BAIAP2L1: variants seen among roughly 807,000 people sequenced by gnomAD.
BAIAP2L1 encodes the protein BAR/IMD domain containing adaptor protein 2 like 1.
In BAIAP2L1, 35 loss-of-function variants were observed where a neutral mutation model predicts 66.3. That is an observed-to-expected ratio of 0.53 (90% CI 0.40 to 0.70). The LOEUF is 0.70. BAIAP2L1 is among the 30% of genes least tolerant of loss of function. The pLI is 0.00. For missense variants in BAIAP2L1, 622 were observed against 656.9 expected, an observed-to-expected ratio of 0.95 and a Z score of 0.58; for synonymous variants, 269 against 248.7, an observed-to-expected ratio of 1.08 and a Z score of -0.77.
At chr7:98,350,723 C>T (rs571160761) in intron 3 of BAIAP2L1, among the ~76,000 whole-genome samples, 1 of 152,274 alleles carries the variant, frequency 6.6e-6, no homozygotes, top group East Asian at 1.9e-4. Context: ...CCTAAGGCCC[C>T]CTACCCCACA....
intron 1 of BAIAP2L1, among the ~76,000 whole-genome samples, chr7:98,398,034 TC>T (rs1054732021): frequency 1.3e-5 from 2 of 152,174 alleles, no homozygotes; most frequent in African/African-American, 4.8e-5. Context: ...TTCCTCCTTT[TC>T]TCTAAAGTAT....
chr7:98,322,012 C>T (rs886164011), intron 3 of BAIAP2L1, among the ~76,000 whole-genome samples: 7 of 152,154 alleles, frequency 4.6e-5, no homozygotes, highest in Non-Finnish European at 5.9e-5. Flanking sequence ...GGGAGAACTG[C>T]TTGAACCTGG....
intron 12 of BAIAP2L1, among the ~76,000 whole-genome samples, chr7:98,299,497 T>A (rs1487596421): frequency 6.6e-6 from 1 of 151,404 alleles, no homozygotes; most frequent in African/African-American, 2.4e-5. Flanking sequence ...TACCTGCTTC[T>A]TGACCACCAC....
At chr7:98,383,876 G>A (rs772005269) in intron 1 of BAIAP2L1, among the ~76,000 whole-genome samples, 13 of 151,808 alleles carry the variant, frequency 8.6e-5, no homozygotes, top group South Asian at 2.1e-4. Flanking sequence ...GCTCCAGGCC[G>A]GGTGTGGTGG....
intron 1 of BAIAP2L1, among the ~76,000 whole-genome samples, chr7:98,384,914 GTGC>G (rs901447468): frequency 2.2e-4 from 33 of 152,194 alleles, no homozygotes; most frequent in African/African-American, 6.5e-4. Context: ...GGCCAGGCTG[GTGC>G]TGAACTCCCG....
chr7:98,384,295 C>A (rs1032143121), intron 1 of BAIAP2L1, among the ~76,000 whole-genome samples: 1 of 152,080 alleles, frequency 6.6e-6, no homozygotes, highest in Admixed American at 6.6e-5. Context: ...ATTACGTTAT[C>A]ATTTAGAAAT....
chr7:98,326,584 C>T (rs75831141), intron 3 of BAIAP2L1, among the ~76,000 whole-genome samples: 3,693 of 152,152 alleles, frequency 0.024, 148 homozygotes, highest in African/African-American at 0.085. Flanking sequence ...AAGGCAGTCA[C>T]AAATTACAAG....
intron 1 of BAIAP2L1, among the ~76,000 whole-genome samples, chr7:98,369,621 T>C (rs1802463192): frequency 6.6e-6 from 1 of 151,260 alleles, no homozygotes; most frequent in Non-Finnish European, 1.5e-5. Context: ...CGGATATTCC[T>C]TCTCCAAATA....
chr7:98,325,692 T>C (rs530747708), intron 3 of BAIAP2L1, among the ~76,000 whole-genome samples: 72 of 150,118 alleles, frequency 4.8e-4, no homozygotes, highest in Non-Finnish European at 8.6e-4. Context: ...AATATATACA[T>C]ACAAAAAAAA....
At chr7:98,310,663 G>GT (rs1278404391) in intron 8 of BAIAP2L1, 71 bp from the exon 9 acceptor site, 57,646 of 888,738 alleles carry the variant, frequency 0.065, 23 homozygotes, top group Middle Eastern at 0.1. Context: ...TCCCAAGGCT[G>GT]TTTTTTTTTT....
chr7:98,363,027 CTTTTTTTTTTTTTT>C (rs71537235), intron 1 of BAIAP2L1, among the ~76,000 whole-genome samples: 10 of 75,610 alleles, frequency 1.3e-4, no homozygotes, highest in Non-Finnish European at 5.5e-5. Flanking sequence ...GGCATTTTTT[CTTTTTTTTTTTTTT>C]TTTTTTTTTT....
At chr7:98,304,402 G>A (rs749546944) in intron 11 of BAIAP2L1, 26 bp from the exon 12 acceptor site, 13 of 1,611,492 alleles carry the variant, frequency 8.1e-6, no homozygotes, top group Middle Eastern at 1.7e-4. Flanking sequence ...GACACAGCAC[G>A]TGTTAGATAA....
intron 3 of BAIAP2L1, among the ~76,000 whole-genome samples, chr7:98,352,357 A>C (rs777809172): frequency 5.3e-5 from 8 of 152,180 alleles, no homozygotes; most frequent in Non-Finnish European, 1.0e-4. Context: ...CATACGCACA[A>C]GTGGCTGGGC....
intron 12 of BAIAP2L1, among the ~76,000 whole-genome samples, chr7:98,294,891 C>T (rs1041497918): frequency 6.6e-6 from 1 of 152,196 alleles, no homozygotes; most frequent in Non-Finnish European, 1.5e-5. Flanking sequence ...CCACCCAGGG[C>T]GAGCCAGGGC....
In BAIAP2L1 at chr7:98,344,436, C is replaced by A. The variant is rs78946775; in HGVS notation, c.214+10606G>T. On this transcript the variant is annotated intron_variant, in intron 3 of 13. Coordinates refer to ENST00000005260, the MANE Select transcript of BAIAP2L1 (RefSeq NM_018842.5). ...AATATACTTGAAGAAAGAGCAAGGACACATTTTCTGAATCATCTATCTAAT... is the reference window on the plus strand; with the variant it reads ...AATATACTTGAAGAAAGAGCAAGGAAACATTTTCTGAATCATCTATCTAAT... Among the ~76,000 whole-genome samples the A allele has an allele frequency of 8.2e-4, 125 of 152,262 alleles. 2 individuals carry two copies. In the East Asian group the frequency reaches 0.023, roughly 28 times the overall value.
intron 1 of BAIAP2L1, among the ~76,000 whole-genome samples, chr7:98,371,092 C>A (rs1423178093): frequency 6.6e-6 from 1 of 152,072 alleles, no homozygotes; most frequent in Non-Finnish European, 1.5e-5. Context: ...GAGTAATGAA[C>A]AAATCCATTT....
chr7:98,337,009 G>A (rs1295722006), intron 3 of BAIAP2L1, among the ~76,000 whole-genome samples: 1 of 152,168 alleles, frequency 6.6e-6, no homozygotes, highest in Non-Finnish European at 1.5e-5. Flanking sequence ...TCTTACCTGA[G>A]AGGACTGCTG....
intron 1 of BAIAP2L1, among the ~76,000 whole-genome samples, chr7:98,380,456 C>T (rs1011352162): frequency 3.9e-5 from 6 of 152,088 alleles, no homozygotes; most frequent in African/African-American, 4.8e-5. Context: ...GCAGCAAAAG[C>T]GGAAACCCCT....
chr7:98,293,535 G>A lies in BAIAP2L1; in HGVS notation c.1522C>T (p.Pro508Ser). The change falls in exon 14 of 14, where the codon CCC (proline) becomes TCC (serine). Residue 508 changes from proline to serine, a missense_variant. By Grantham distance (74) the Pro-to-Ser change is moderately conservative. Transcript: ENST00000005260. ...RPTVTNDRSA[P>S]IIR ...TGGCTGTCCTCTCATCGAATGATGG[G>A]TGCCGAGCGATCATTCGTCACAGTC... is the stretch of plus-strand genomic sequence containing the variant. 6.2e-7 allele frequency: 1 copy of A among 1,613,612 alleles called. No individual in the cohort carries two copies. The highest frequency in any genetic ancestry group is 8.5e-7 in the Non-Finnish European group (1 of 1,179,856).
Sources: allele counts gnomAD v4.1 joint callset (sites outside exome capture counted in the v4.1 genomes callset), GRCh38; gene constraint gnomAD v4.1.1; transcripts MANE v1.5; gene names NCBI Gene and HGNC (gene_info 2026-07-23, HGNC 2026-07-21).